Variants in NRXN1 observed in about 807,000 individuals in gnomAD.
NRXN1 encodes the protein neurexin 1, also known as neurexin-1.
In NRXN1, 39 loss-of-function variants were observed where a neutral mutation model predicts 150.9. The ratio of observed to expected loss-of-function variants is 0.26; its 90% CI spans 0.20 to 0.34. NRXN1 has a LOEUF of 0.34. Among genes scored for constraint, NRXN1 ranks in the 10% least tolerant of loss-of-function variants. NRXN1 has a pLI of 1.00. For missense variants in NRXN1, 1,815 were observed against 1,949.9 expected, an observed-to-expected ratio of 0.93 and a Z score of 1.30; for synonymous variants, 924 against 757.0, an observed-to-expected ratio of 1.22 and a Z score of -3.62.
chr2:49,982,569 T>G (rs1334317632), intron 21 of NRXN1, among the ~76,000 whole-genome samples: 2 of 152,076 alleles, frequency 1.3e-5, no homozygotes, highest in African/African-American at 4.8e-5. Context: ...AATTCTTCAT[T>G]TCTTATTTGT....
chr2:50,942,748 G>C (rs1689667036), intron 2 of NRXN1, among the ~76,000 whole-genome samples: 1 of 152,122 alleles, frequency 6.6e-6, no homozygotes, highest in Non-Finnish European at 1.5e-5. Context: ...GATTTTACAG[G>C]CTCACAGGAG....
intron 21 of NRXN1, among the ~76,000 whole-genome samples, chr2:50,051,245 A>G (rs1234764361): frequency 1.3e-5 from 2 of 152,044 alleles, no homozygotes; most frequent in African/African-American, 4.8e-5. Flanking sequence ...TTGTACTTAA[A>G]AATAATATTT....
chr2:50,990,305 AT>A (rs1210738829), intron 2 of NRXN1, among the ~76,000 whole-genome samples: 8 of 152,186 alleles, frequency 5.3e-5, no homozygotes, highest in African/African-American at 1.9e-4. Context: ...AAAAAAATCA[AT>A]TTTTAAGAAG....
rs139856522 is a variant in NRXN1 at position 50,343,598 on chromosome 2, A to C, written c.3365-106628T>G. ...GCCCTTAAAAAAAATCCTCATCATA[A>C]TCTCTGCAACTGGGTCAGCTTGCAC... is the stretch of plus-strand genomic sequence containing the variant. On this transcript the variant is annotated intron_variant, in intron 17 of 22. Transcript: ENST00000401669. 3.3e-3 allele frequency among the ~76,000 whole-genome samples: 505 copies of C among 152,286 alleles called. 5 individuals carry two copies. The highest frequency in any genetic ancestry group is 0.012 in the African/African-American group (490 of 41,560).
intron 17 of NRXN1, among the ~76,000 whole-genome samples, chr2:50,384,384 T>C (rs2081174287): frequency 1.3e-5 from 2 of 151,932 alleles, no homozygotes; most frequent in Admixed American, 6.6e-5. Flanking sequence ...TATGCGCCTG[T>C]AGTCCCAGCT....
At position 51,031,594 on chromosome 2, in the gene NRXN1, C is replaced by G. The variant is rs181539118; in HGVS notation, c.-922+387G>C. 1.8e-3 allele frequency among the ~76,000 whole-genome samples: 277 copies of G among 152,284 alleles called. 2 individuals carry two copies. The highest frequency in any genetic ancestry group is 6.5e-3 in the African/African-American group (269 of 41,560). Reference sequence around the variant, plus strand: ...CCCGCCCAGTCTCTAAGCTCCATCTCTAATACCAGTGCAGTTTCTTGGAGC... The same window carrying G: ...CCCGCCCAGTCTCTAAGCTCCATCTGTAATACCAGTGCAGTTTCTTGGAGC... On this transcript the variant is annotated intron_variant, in intron 1 of 22. Coordinates refer to ENST00000401669, the MANE Select transcript of NRXN1 (RefSeq NM_001330078.2).
intron 5 of NRXN1, among the ~76,000 whole-genome samples, chr2:50,748,590 C>A (rs1700251286): frequency 6.6e-6 from 1 of 152,070 alleles, no homozygotes; most frequent in Admixed American, 6.6e-5. Context: ...ATCCCTCCAA[C>A]AGTTTACAGG....
chr2:50,262,249 A>G (rs2068363125), intron 17 of NRXN1, among the ~76,000 whole-genome samples: 1 of 151,922 alleles, frequency 6.6e-6, no homozygotes, highest in Non-Finnish European at 1.5e-5. Context: ...TCTTTCTATG[A>G]TTAAAATTAA....
intron 2 of NRXN1, among the ~76,000 whole-genome samples, chr2:50,966,533 G>C (rs1694115495): frequency 6.6e-6 from 1 of 151,586 alleles, no homozygotes; most frequent in Admixed American, 6.6e-5. Context: ...CTCTCTTCAG[G>C]TTAGATGCTT....
chr2:50,944,919 G>A (rs1239925005), intron 2 of NRXN1, among the ~76,000 whole-genome samples: 1 of 152,176 alleles, frequency 6.6e-6, no homozygotes, highest in East Asian at 1.9e-4. Context: ...TACACTGATG[G>A]TACAAATGCA....
At chr2:50,207,775 C>A (rs957418413) in intron 18 of NRXN1, 3 of 165,948 alleles carry the variant, frequency 1.8e-5, no homozygotes, top group African/African-American at 7.2e-5. Context: ...TATTCTGAAT[C>A]AGCTATCATT....
intron 17 of NRXN1, among the ~76,000 whole-genome samples, chr2:50,411,448 C>A (rs1265782943): frequency 6.6e-6 from 1 of 152,176 alleles, no homozygotes; most frequent in Non-Finnish European, 1.5e-5. Flanking sequence ...CGGCCACCAC[C>A]CCGTCTAGGA....
chr2:50,102,381 A>G (rs182673365), intron 18 of NRXN1, among the ~76,000 whole-genome samples: 1 of 152,158 alleles, frequency 6.6e-6, no homozygotes, highest in East Asian at 1.9e-4. Flanking sequence ...ATTTTCCTCA[A>G]TTGCATGGTT....
chr2:50,429,429 G>A lies in NRXN1; in HGVS notation c.3364+36013C>T, dbSNP rs562233420. 4.2e-4 allele frequency among the ~76,000 whole-genome samples: 64 copies of A among 151,960 alleles called. 1 individual carries two copies. Among genetic ancestry groups the A allele is most frequent in the African/African-American group, 1.5e-3 (63 of 41,448 alleles). ...ATGCCATCACGCCTGGCTAATTTTG[G>A]TATTTTTAGTAGGGAGGGGGTTTCA... On this transcript the variant is annotated intron_variant, in intron 17 of 22. Coordinates refer to ENST00000401669, the MANE Select transcript of NRXN1 (RefSeq NM_001330078.2).
Position 50,804,913 on chromosome 2 carries a change from TG to T in NRXN1, c.832+116955del, listed in dbSNP as rs555499303. On this transcript the variant is annotated intron_variant, in intron 5 of 22. Transcript: ENST00000401669. ...TATGAATTTAAGTCTTTTGTTTCTT[TG>T]GGAACAGTGTGTGCATGTAAGAAGA... 3.3e-3 allele frequency among the ~76,000 whole-genome samples: 507 copies of T among 152,296 alleles called. 4 individuals carry two copies. The highest frequency in any genetic ancestry group is 0.024 in the Middle Eastern group (7 of 294).
intron 5 of NRXN1, among the ~76,000 whole-genome samples, chr2:50,895,926 T>A (rs939528662): frequency 1.3e-5 from 2 of 151,964 alleles, no homozygotes; most frequent in African/African-American, 4.8e-5. Flanking sequence ...AAACGATTAT[T>A]AAAACCCATG....
At chr2:50,202,723 T>C (rs6545155) in intron 18 of NRXN1, among the ~76,000 whole-genome samples, 42,413 of 151,942 alleles carry the variant, frequency 0.28, 6,563 homozygotes, top group East Asian at 0.41. Flanking sequence ...ATAAAGTATA[T>C]TAGGGGAGGC....
intron 17 of NRXN1, among the ~76,000 whole-genome samples, chr2:50,293,514 A>C (rs563420887): frequency 6.6e-6 from 1 of 152,228 alleles, no homozygotes; most frequent in East Asian, 1.9e-4. Context: ...CAAATGCCTA[A>C]AAGAACAAAA....
At chr2:50,927,613 G>T (rs1245416376) in intron 2 of NRXN1, among the ~76,000 whole-genome samples, 3 of 151,878 alleles carry the variant, frequency 2.0e-5, no homozygotes, top group Non-Finnish European at 4.4e-5. Context: ...ATAATACAAA[G>T]ATATAAATTA....
Sources: gnomAD v4.1 joint callset for allele counts (sites outside exome capture counted in the v4.1 genomes callset) on GRCh38, gnomAD v4.1.1 for gene constraint, MANE v1.5 for transcripts, NCBI Gene and HGNC (gene_info 2026-07-23, HGNC 2026-07-21) for gene names.